The following KCNJ3 variants were observed in gnomAD, a reference collection of about 807,000 sequenced individuals.
KCNJ3 encodes G protein-activated inward rectifier potassium channel 1.
A neutral mutation model predicts 39.2 loss-of-function variants in KCNJ3; 4 were observed. The ratio of observed to expected loss-of-function variants is 0.10; its 90% CI spans 0.05 to 0.23. The LOEUF is 0.23. Ranked by LOEUF, KCNJ3 falls within the 10% of genes least tolerant of loss-of-function variation. The pLI, the probability that KCNJ3 is intolerant of heterozygous loss-of-function variation, is 1.00. For missense variants in KCNJ3, 276 were observed against 634.9 expected (o/e 0.43, Z 6.08); for synonymous variants, 230 against 237.4 (o/e 0.97, Z 0.29).
intron 2 of KCNJ3, among the ~76,000 whole-genome samples, chr2:154,788,847 G>A (rs1686580220): frequency 1.3e-5 from 2 of 151,314 alleles, no homozygotes; most frequent in South Asian, 4.2e-4. Context: ...TTCAAGAAGT[G>A]AGGCAGCATG....
At chr2:154,768,564 G>C (rs543362489) in intron 2 of KCNJ3, among the ~76,000 whole-genome samples, 15 of 152,170 alleles carry the variant, frequency 9.9e-5, no homozygotes, top group Non-Finnish European at 2.2e-4. Flanking sequence ...TTTGGTACCA[G>C]TACCATGCTG....
intron 2 of KCNJ3, among the ~76,000 whole-genome samples, chr2:154,730,373 C>T (rs1375840875): frequency 6.6e-6 from 1 of 151,858 alleles, no homozygotes; most frequent in Non-Finnish European, 1.5e-5. Flanking sequence ...AGAGGAAATC[C>T]TTGCTCAGCC....
intron 2 of KCNJ3, among the ~76,000 whole-genome samples, chr2:154,728,021 T>C (rs1340743317): frequency 1.3e-5 from 2 of 151,774 alleles, no homozygotes; most frequent in Non-Finnish European, 2.9e-5. Flanking sequence ...AGTTCCATAA[T>C]GTGAAAAACA....
At chr2:154,786,568 T>C (rs369051105) in intron 2 of KCNJ3, among the ~76,000 whole-genome samples, 7 of 152,304 alleles carry the variant, frequency 4.6e-5, no homozygotes, top group African/African-American at 1.7e-4. Flanking sequence ...TGCTTCTGAG[T>C]ACTTGACAAT....
intron 2 of KCNJ3, among the ~76,000 whole-genome samples, chr2:154,837,896 G>T (rs768818029): frequency 6.6e-6 from 1 of 152,140 alleles, no homozygotes; most frequent in Non-Finnish European, 1.5e-5. Context: ...GTTTAAAAAT[G>T]GAATTTAAGA....
intron 2 of KCNJ3, among the ~76,000 whole-genome samples, chr2:154,803,249 G>A (rs1006267665): frequency 6.6e-6 from 1 of 151,840 alleles, no homozygotes; most frequent in African/African-American, 2.4e-5. Flanking sequence ...CTACTTTTTA[G>A]CAAATAGTAT....
intron 2 of KCNJ3, among the ~76,000 whole-genome samples, chr2:154,737,606 T>C (rs945140362): frequency 5.9e-5 from 9 of 152,086 alleles, no homozygotes; most frequent in Non-Finnish European, 1.0e-4. Flanking sequence ...TAGAGATACA[T>C]AGAAATATTG....
intron 2 of KCNJ3, among the ~76,000 whole-genome samples, chr2:154,780,623 C>T (rs563043371): frequency 1.3e-5 from 2 of 152,088 alleles, no homozygotes; most frequent in African/African-American, 4.8e-5. Flanking sequence ...CAGGGAGGGG[C>T]TCCTGAGTTC....
intron 2 of KCNJ3, among the ~76,000 whole-genome samples, chr2:154,740,176 C>A (rs184369081): frequency 0.093 from 14,100 of 151,920 alleles, 697 homozygotes; most frequent in African/African-American, 0.11. Flanking sequence ...TTAAAAAAGA[C>A]ATAGAGATTT....
intron 2 of KCNJ3, among the ~76,000 whole-genome samples, chr2:154,819,754 C>G (rs778399770): frequency 6.6e-6 from 1 of 152,036 alleles, no homozygotes; most frequent in African/African-American, 2.4e-5. Context: ...TGCTCTCAAT[C>G]TCTTGACCTC....
At chr2:154,811,760 T>C (rs2105102099) in intron 2 of KCNJ3, among the ~76,000 whole-genome samples, 1 of 152,302 alleles carries the variant, frequency 6.6e-6, no homozygotes, top group African/African-American at 2.4e-5. Flanking sequence ...AGTGTGTTTT[T>C]CAGCCATCTT....
At chr2:154,733,260 C>T (rs951583357) in intron 2 of KCNJ3, among the ~76,000 whole-genome samples, 1 of 151,944 alleles carries the variant, frequency 6.6e-6, no homozygotes, top group African/African-American at 2.4e-5. Flanking sequence ...AATTAACTTA[C>T]TCTATATTAA....
intron 2 of KCNJ3, among the ~76,000 whole-genome samples, chr2:154,852,186 T>C (rs1687767272): frequency 6.6e-6 from 1 of 152,218 alleles, no homozygotes; most frequent in Non-Finnish European, 1.5e-5. Context: ...TGACATCAAT[T>C]TTCAATGATT....
intron 2 of KCNJ3, among the ~76,000 whole-genome samples, chr2:154,822,910 TG>T (rs1290174023): frequency 6.6e-6 from 1 of 151,684 alleles, no homozygotes; most frequent in African/African-American, 2.4e-5. Context: ...AATTTGGCAT[TG>T]GATATAATAT....
chr2:154,802,859 A>AT (rs202219471), intron 2 of KCNJ3, among the ~76,000 whole-genome samples: 18 of 149,372 alleles, frequency 1.2e-4, no homozygotes, highest in East Asian at 3.9e-4. Flanking sequence ...TGAACTACAC[A>AT]TTTTTTTTTT....
At chr2:154,775,091 AC>A in intron 2 of KCNJ3, among the ~76,000 whole-genome samples, 1 of 152,110 alleles carries the variant, frequency 6.6e-6, no homozygotes, top group Non-Finnish European at 1.5e-5. Flanking sequence ...TAATTTTTGT[AC>A]TTTTTGTAGA....
At chr2:154,717,376 T>C (rs1311625690) in intron 2 of KCNJ3, among the ~76,000 whole-genome samples, 2 of 152,142 alleles carry the variant, frequency 1.3e-5, no homozygotes, top group African/African-American at 4.8e-5. Flanking sequence ...ATTGGTGTGA[T>C]AGAAAGATGC....
chr2:154,741,377 A>C (rs1685651994), intron 2 of KCNJ3, among the ~76,000 whole-genome samples: 1 of 151,886 alleles, frequency 6.6e-6, no homozygotes, highest in African/African-American at 2.4e-5. Context: ...CTACCTTTTA[A>C]ACAAAAATAT....
rs70983745 is a variant in KCNJ3, at chr2:154,736,374, TAAAAAAAA to T, written c.919+26588_919+26595del. 7.3e-3 allele frequency among the ~76,000 whole-genome samples: 681 copies of T among 92,836 alleles called. 1 individual carries two copies. The highest frequency in any genetic ancestry group is 0.012 in the Non-Finnish European group (559 of 46,752). 60.9% of individuals were successfully genotyped at this position (92,836 alleles called of 152,430 possible). ...AGAGAGTGACAGGAGTCACTAGTTC[TAAAAAAAA>T]AAAAAAAAAAAAAAAAAAAAAAAAA... On this transcript the variant is annotated intron_variant, in intron 2 of 2. Transcript: ENST00000295101.
Sources: allele counts gnomAD v4.1 joint callset (sites outside exome capture counted in the v4.1 genomes callset), GRCh38; gene constraint gnomAD v4.1.1; transcripts MANE v1.5; gene names NCBI Gene and HGNC (gene_info 2026-07-23, HGNC 2026-07-21).